Variants in CLEC16A observed in about 807,000 individuals in gnomAD.
CLEC16A encodes the protein C-type lectin domain containing 16A.
CLEC16A carries 51 observed loss-of-function variants against 109.5 expected under a neutral mutation model. The ratio of observed to expected loss-of-function variants is 0.47; its 90% CI spans 0.37 to 0.59. The LOEUF (loss-of-function observed/expected upper bound fraction) is 0.59. CLEC16A is among the 20% of genes least tolerant of loss of function. CLEC16A has a pLI of 0.00. For synonymous variants in CLEC16A, 673 were observed against 564.2 expected (o/e 1.19, Z -2.73); for missense variants, 1,339 against 1,394.0 (o/e 0.96, Z 0.63).
chr16:10,983,861 C>T (rs1304642961), intron 10 of CLEC16A, among the ~76,000 whole-genome samples: 1 of 151,680 alleles, frequency 6.6e-6, no homozygotes, highest in East Asian at 1.9e-4. Flanking sequence ...AAGGTCTTAC[C>T]CACTCTAAGC....
intron 3 of CLEC16A, 82 bp downstream of exon 3, chr16:10,962,670 C>G (rs1286901175): frequency 1.4e-6 from 2 of 1,475,704 alleles, no homozygotes; most frequent in Non-Finnish European, 1.9e-6. Flanking sequence ...TGTGTCTGCG[C>G]TTACTATTCG....
rs1322903426 is a variant in CLEC16A, at chr16:11,016,335, CTTTTTTTTCT to C, written c.1304-3839_1304-3830del. ...CAGCAGTCTGCACCACGTTCGAACTCTTTTTTTTCTTTTTTTTTCTTTTTTTTTTTTGAAA... is the reference window on the plus strand; with the variant it reads ...CAGCAGTCTGCACCACGTTCGAACTCTTTTTTTTCTTTTTTTTTTTTGAAA... On this transcript the variant is annotated intron_variant, in intron 11 of 23. Coordinates refer to ENST00000409790, the MANE Select transcript of CLEC16A (RefSeq NM_015226.3). 2.1e-4 allele frequency among the ~76,000 whole-genome samples: 28 copies of C among 134,534 alleles called. No homozygotes were observed. The East Asian group carries it at 3.1e-3, about 15-fold the overall frequency. 88.3% of individuals were successfully genotyped at this position (134,534 alleles called of 152,430 possible).
rs535783496 is a variant in CLEC16A, at chr16:10,963,161, G to A, written c.343+573G>A. Among the ~76,000 whole-genome samples, 177 of 152,308 alleles carry A rather than the reference G, an allele frequency of 1.2e-3. 1 individual carries two copies. Among genetic ancestry groups the A allele is most frequent in the African/African-American group, 3.8e-3 (159 of 41,564 alleles). Reference sequence around the variant, plus strand: ...AGACGGCCACCCTCTTGCTGTGCATGGCCTTTCATCTGTGTGTGAGTGGAG... The same window carrying A: ...AGACGGCCACCCTCTTGCTGTGCATAGCCTTTCATCTGTGTGTGAGTGGAG... On this transcript the variant is annotated intron_variant, in intron 3 of 23. Coordinates refer to ENST00000409790, the MANE Select transcript of CLEC16A (RefSeq NM_015226.3).
chr16:10,992,045 C>T (rs1403571979), intron 10 of CLEC16A, among the ~76,000 whole-genome samples: 1 of 152,220 alleles, frequency 6.6e-6, no homozygotes, highest in Non-Finnish European at 1.5e-5. Flanking sequence ...AATTGATTGC[C>T]TGCTGACCAC....
At position 11,120,611 on chromosome 16, in the gene CLEC16A, C is replaced by G; in HGVS notation, c.2117-4C>G. 6.2e-7 allele frequency: 1 copy of G among 1,606,946 alleles called. No homozygotes were observed. The highest frequency in any genetic ancestry group is 8.5e-7 in the Non-Finnish European group (1 of 1,175,644). ...TCATTCTCTTCTCACCTTCCTCCTC[C>G]CAGATAACAGCGACTTGATTGCATG... On this transcript the variant is annotated splice_region_variant and splice_polypyrimidine_tract_variant and intron_variant, in intron 19 of 23. Transcript: ENST00000409790.
chr16:11,039,816 A>C lies in CLEC16A; in HGVS notation c.1600A>C (p.Thr534Pro), dbSNP rs374572610. ...CGTGCCAAATGCGGCCGAGAAGACC[A>C]CCTACAACCACCCGCTAGCTGAAAG... ...LPVPNAAEKTTYNHPLAERLI... is the reference protein window; with the variant it reads ...LPVPNAAEKTPYNHPLAERLI... The change falls in exon 14 of 24, where the codon ACC (threonine) becomes CCC (proline). Residue 534 changes from threonine to proline, a missense_variant. By Grantham distance (38) the Thr-to-Pro change is conservative (BLOSUM62 -1). Coordinates refer to ENST00000409790, the MANE Select transcript of CLEC16A (RefSeq NM_015226.3). The C allele has an allele frequency of 1.9e-6, 3 of 1,611,706 alleles. No individual in the cohort carries two copies. Among genetic ancestry groups the C allele is most frequent in the Non-Finnish European group, 2.5e-6 (3 of 1,179,030 alleles).
rs2042234026 is a variant in CLEC16A at position 10,961,167 on chromosome 16, A to G, written c.210-1288A>G. ...AGGAGTCACTGATTTATGCAGCTTG[A>G]ACTGAAGGTAGACAAAAATAGGCCA... On this transcript the variant is annotated intron_variant, in intron 2 of 23. Transcript: ENST00000409790. The surrounding 1 kb of genome is among the most constrained non-coding windows in gnomAD (Gnocchi z 4.3). Among the ~76,000 whole-genome samples the G allele has an allele frequency of 6.6e-6, 1 of 152,206 alleles. No homozygotes were observed. Among genetic ancestry groups the G allele is most frequent in the Admixed American group, 6.5e-5 (1 of 15,286 alleles).
chr16:10,978,765 T>C (rs927286360), intron 8 of CLEC16A, among the ~76,000 whole-genome samples: 1 of 152,248 alleles, frequency 6.6e-6, no homozygotes, highest in Non-Finnish European at 1.5e-5. Flanking sequence ...TTTTCAGACC[T>C]GCATTCAAAT....
chr16:11,031,190 T>C (rs1426225024), intron 13 of CLEC16A, among the ~76,000 whole-genome samples: 3 of 152,192 alleles, frequency 2.0e-5, no homozygotes, highest in South Asian at 4.1e-4. Flanking sequence ...AGTTTGCTGA[T>C]TGGTTGCTGC....
At chr16:11,124,765 G>A (rs764000884) in intron 21 of CLEC16A, among the ~76,000 whole-genome samples, 1 of 152,148 alleles carries the variant, frequency 6.6e-6, no homozygotes, top group Non-Finnish European at 1.5e-5. Flanking sequence ...CTGGGGATGT[G>A]GGGGTGCTTT....
intron 13 of CLEC16A, among the ~76,000 whole-genome samples, chr16:11,026,125 T>A (rs1450532708): frequency 2.6e-5 from 4 of 152,234 alleles, no homozygotes; most frequent in Non-Finnish European, 5.9e-5. Flanking sequence ...CTGATACTGG[T>A]CTGTAGTCTT....
chr16:11,141,342 C>T (rs1049298769), intron 22 of CLEC16A, among the ~76,000 whole-genome samples: 1 of 152,214 alleles, frequency 6.6e-6, no homozygotes, highest in Non-Finnish European at 1.5e-5. Flanking sequence ...CCGTCCTAGG[C>T]CCCCGTGCAG....
intron 2 of CLEC16A, among the ~76,000 whole-genome samples, chr16:10,958,845 A>G (rs1389600878): frequency 3.3e-5 from 5 of 152,168 alleles, no homozygotes; most frequent in African/African-American, 4.8e-5. Context: ...TCCAGGCTGC[A>G]ATGAGCCATG....
chr16:11,008,538 C>G (rs2045183150), intron 11 of CLEC16A, among the ~76,000 whole-genome samples: 1 of 152,072 alleles, frequency 6.6e-6, no homozygotes, highest in Non-Finnish European at 1.5e-5. Flanking sequence ...ACTCTCCTGG[C>G]CCACACCAGT....
At chr16:10,955,984 C>T (rs1254976884) in intron 1 of CLEC16A, among the ~76,000 whole-genome samples, 3 of 152,176 alleles carry the variant, frequency 2.0e-5, no homozygotes, top group African/African-American at 7.2e-5. Flanking sequence ...AAAACTCTGC[C>T]GTTTGAAACT....
intron 22 of CLEC16A, among the ~76,000 whole-genome samples, chr16:11,155,132 AAG>A (rs1300970446): frequency 6.6e-6 from 1 of 152,170 alleles, no homozygotes; most frequent in African/African-American, 2.4e-5. Flanking sequence ...TCTCCAAAAA[AAG>A]AGAAGAAAAT....
chr16:11,175,883 T>C (rs1567422883), intron 23 of CLEC16A, among the ~76,000 whole-genome samples: 1 of 152,244 alleles, frequency 6.6e-6, no homozygotes, highest in Non-Finnish European at 1.5e-5. Flanking sequence ...AATATCTGCA[T>C]GCAAATGCAG....
At chr16:11,075,582 A>G (rs572870502) in intron 19 of CLEC16A, among the ~76,000 whole-genome samples, 146 of 152,122 alleles carry the variant, frequency 9.6e-4, no homozygotes, top group Non-Finnish European at 1.8e-3. Context: ...GACCACAGGC[A>G]TGTGCTACCA....
chr16:11,025,050 C>A, intron 13 of CLEC16A, 129 bp downstream of exon 13: 1 of 704,914 alleles, frequency 1.4e-6, no homozygotes, highest in Non-Finnish European at 2.4e-6. Context: ...TTTGGTGGTC[C>A]TTTTTGGTTT....
Sources: gnomAD v4.1 joint callset for allele counts (sites outside exome capture counted in the v4.1 genomes callset) on GRCh38, gnomAD v4.1.1 for gene constraint, Gnocchi (gnomAD v3.1) non-coding constraint, MANE v1.5 for transcripts, NCBI Gene and HGNC (gene_info 2026-07-23, HGNC 2026-07-21) for gene names.